The following ERBB4 variants were observed in gnomAD, a reference collection of about 807,000 sequenced individuals.
The protein encoded by ERBB4 is receptor tyrosine-protein kinase erbB-4.
A neutral mutation model predicts 158.0 loss-of-function variants in ERBB4; 42 were observed. The observed-to-expected ratio is 0.27, with a 90% CI of 0.21 to 0.34. ERBB4 has a LOEUF of 0.34. Ranked by LOEUF, ERBB4 falls within the 10% of genes least tolerant of loss-of-function variation. ERBB4 has a pLI of 1.00. For missense variants in ERBB4, 1,333 were observed against 1,624.1 expected (o/e 0.82, Z 3.08); for synonymous variants, 583 against 558.7 (o/e 1.04, Z -0.61).
At chr2:211,743,219 A>G (rs904476899) in intron 5 of ERBB4, among the ~76,000 whole-genome samples, 1 of 152,224 alleles carries the variant, frequency 6.6e-6, no homozygotes, top group African/African-American at 2.4e-5. Context: ...AGAAAACTAA[A>G]GAGTGTATTG....
intron 1 of ERBB4, among the ~76,000 whole-genome samples, chr2:212,272,147 TA>T (rs967959773): frequency 4.0e-5 from 6 of 151,776 alleles, no homozygotes; most frequent in African/African-American, 1.4e-4. Context: ...AAATTTGCCT[TA>T]TAAATATAAA....
At chr2:211,934,485 A>C (rs995923395) in intron 3 of ERBB4, among the ~76,000 whole-genome samples, 2 of 152,020 alleles carry the variant, frequency 1.3e-5, no homozygotes, top group East Asian at 1.9e-4. Flanking sequence ...ATTTTCATGA[A>C]ATCAGTAATT....
At chr2:212,393,673 G>C (rs2090943703) in intron 1 of ERBB4, among the ~76,000 whole-genome samples, 1 of 152,022 alleles carries the variant, frequency 6.6e-6, no homozygotes, top group South Asian at 2.1e-4. Flanking sequence ...GCTGGTACAA[G>C]AAAGATCAAG....
chr2:211,571,866 C>T (rs552879286), intron 19 of ERBB4, among the ~76,000 whole-genome samples: 4 of 152,130 alleles, frequency 2.6e-5, no homozygotes, highest in African/African-American at 4.8e-5. Flanking sequence ...AAAATAGATA[C>T]TACTGGATTT....
intron 1 of ERBB4, among the ~76,000 whole-genome samples, chr2:212,369,322 G>A (rs935015719): frequency 2.6e-5 from 4 of 152,106 alleles, no homozygotes; most frequent in Non-Finnish European, 4.4e-5. Flanking sequence ...GTTCATTGCA[G>A]TCCTCTTCAT....
chr2:212,524,836 A>G (rs1241048262), intron 1 of ERBB4, among the ~76,000 whole-genome samples: 1 of 152,072 alleles, frequency 6.6e-6, no homozygotes, highest in Non-Finnish European at 1.5e-5. Flanking sequence ...CACTTATGGA[A>G]AAATTATTTT....
intron 3 of ERBB4, among the ~76,000 whole-genome samples, chr2:211,936,467 G>A (rs1443484029): frequency 6.6e-6 from 1 of 151,770 alleles, no homozygotes. Flanking sequence ...AATTGTTATA[G>A]TCATTATGAT....
chr2:211,564,718 C>T (rs1041966550), intron 19 of ERBB4, among the ~76,000 whole-genome samples: 13 of 151,882 alleles, frequency 8.6e-5, no homozygotes, highest in Admixed American at 3.3e-4. Context: ...ATCAAGGAAA[C>T]AAACATCAAG....
chr2:211,623,471 A>G (rs1054928071), intron 18 of ERBB4, among the ~76,000 whole-genome samples: 15 of 152,182 alleles, frequency 9.9e-5, no homozygotes, highest in African/African-American at 3.4e-4. Flanking sequence ...TTCTAAAAAG[A>G]TCAGCTACTA....
rs539959668 is a variant in ERBB4 at position 212,474,822 on chromosome 2, C to CTTT, written c.82+63624_82+63626dup. On this transcript the variant is annotated intron_variant, in intron 1 of 27. Coordinates refer to ENST00000342788, the MANE Select transcript of ERBB4 (RefSeq NM_005235.3). ...CACCATTTCCTGACACCCGGCCATT[C>CTTT]TTTTTTTTTTTTTTTTTTGTCAAGA... 8.9e-4 allele frequency among the ~76,000 whole-genome samples: 84 copies of CTTT among 94,408 alleles called. 10 individuals carry two copies. Among genetic ancestry groups the CTTT allele is most frequent in the African/African-American group, 4.2e-3 (69 of 16,426 alleles). The allele number at this position is 94,408 out of a possible 152,430, so 61.9% of individuals were successfully genotyped here.
At position 212,348,980 on chromosome 2, in the gene ERBB4, CTG is replaced by C. The variant is rs376575602; in HGVS notation, c.82+189467_82+189468del. Among the ~76,000 whole-genome samples, 17 of 152,202 alleles carry C rather than the reference CTG, an allele frequency of 1.1e-4. No individual in the cohort carries two copies. The East Asian group carries it at 3.3e-3, about 29-fold the overall frequency. On this transcript the variant is annotated intron_variant, in intron 1 of 27. Coordinates refer to ENST00000342788, the MANE Select transcript of ERBB4 (RefSeq NM_005235.3). ...AGCGGAATCTATGAAGAAAGCCAGT[CTG>C]TGTGTGGTGGTCCTATAGGTGGACC...
At chr2:211,713,328 C>T (rs1032089738) in intron 8 of ERBB4, among the ~76,000 whole-genome samples, 8 of 151,896 alleles carry the variant, frequency 5.3e-5, no homozygotes, top group African/African-American at 1.7e-4. Flanking sequence ...TTTTTCTGGG[C>T]CATTTTAGTA....
chr2:211,761,837 C>CA (rs1451987519), intron 4 of ERBB4, among the ~76,000 whole-genome samples: 12 of 152,192 alleles, frequency 7.9e-5, no homozygotes, highest in Admixed American at 7.8e-4. Flanking sequence ...TCACAAAATG[C>CA]AAAAAATACA....
At chr2:211,736,290 G>A (rs2074599313) in intron 5 of ERBB4, among the ~76,000 whole-genome samples, 3 of 152,088 alleles carry the variant, frequency 2.0e-5, no homozygotes. Context: ...ATTGTATTAT[G>A]GCTCAGTACA....
intron 3 of ERBB4, among the ~76,000 whole-genome samples, chr2:211,874,166 CA>C (rs1301535528): frequency 1.3e-5 from 2 of 151,986 alleles, no homozygotes; most frequent in East Asian, 3.9e-4. Flanking sequence ...AAAAACAAAA[CA>C]AAAAAACCTG....
chr2:211,801,466 G>A (rs1035945114), intron 3 of ERBB4, among the ~76,000 whole-genome samples: 10 of 152,030 alleles, frequency 6.6e-5, no homozygotes, highest in African/African-American at 2.4e-4. Context: ...ATTTAAAATA[G>A]TGAAAAAAGG....
At chr2:212,382,641 G>A (rs181638897) in intron 1 of ERBB4, among the ~76,000 whole-genome samples, 2 of 151,142 alleles carry the variant, frequency 1.3e-5, no homozygotes, top group Admixed American at 1.3e-4. Context: ...ACTCTACATT[G>A]TAACAGTTGA....
chr2:211,858,130 G>A (rs376063404), intron 3 of ERBB4, among the ~76,000 whole-genome samples: 1 of 152,158 alleles, frequency 6.6e-6, no homozygotes, highest in Admixed American at 6.5e-5. Context: ...GACTGAAGGA[G>A]GTGAGAAGAA....
At chr2:211,687,222 G>A (rs1356419092) in intron 12 of ERBB4, among the ~76,000 whole-genome samples, 5 of 150,468 alleles carry the variant, frequency 3.3e-5, no homozygotes, top group African/African-American at 7.3e-5. Flanking sequence ...GAAGAATGGC[G>A]TGAACCCAGG....
Sources: gnomAD v4.1 joint callset for allele counts (sites outside exome capture counted in the v4.1 genomes callset) on GRCh38, gnomAD v4.1.1 for gene constraint, MANE v1.5 for transcripts, NCBI Gene and HGNC (gene_info 2026-07-23, HGNC 2026-07-21) for gene names.